The following PRKCA variants were observed in gnomAD, a reference collection of about 807,000 sequenced individuals.
The protein encoded by PRKCA is protein kinase C alpha type.
In PRKCA, 27 loss-of-function variants were observed where a neutral mutation model predicts 87.0. That is an observed-to-expected ratio of 0.31 (90% CI 0.23 to 0.43). The LOEUF is 0.43. PRKCA is among the 20% of genes least tolerant of loss of function. The pLI is 1.00. For missense variants in PRKCA, 518 were observed against 852.3 expected (o/e 0.61, Z 4.88); for synonymous variants, 329 against 311.1 (o/e 1.06, Z -0.61).
At chr17:66,438,910 A>G (rs908943002) in intron 2 of PRKCA, among the ~76,000 whole-genome samples, 4 of 152,166 alleles carry the variant, frequency 2.6e-5, no homozygotes, top group African/African-American at 7.2e-5. Flanking sequence ...TGTGGGGATT[A>G]TGGGAACTAC....
chr17:66,361,680 A>G (rs1344596370), intron 2 of PRKCA, among the ~76,000 whole-genome samples: 1 of 152,188 alleles, frequency 6.6e-6, no homozygotes, highest in Non-Finnish European at 1.5e-5. Context: ...GTTTTCCAAT[A>G]GTTTTCTTTT....
chr17:66,368,690 T>C (rs1271357552), intron 2 of PRKCA, among the ~76,000 whole-genome samples: 2 of 151,994 alleles, frequency 1.3e-5, no homozygotes, highest in East Asian at 3.9e-4. Context: ...CCATGCCTGG[T>C]CTCTTAGCCT....
In PRKCA at chr17:66,606,385, C is replaced by T. The variant is rs150299175; in HGVS notation, c.289-34970C>T. The stretch of plus-strand genomic sequence containing the variant: ...TCAGTCTGGTAACAGAGTGAGACTC[C>T]GTCTCAAAAAAAATAATAAAATGAA... On this transcript the variant is annotated intron_variant, in intron 3 of 16. Coordinates refer to ENST00000413366, the MANE Select transcript of PRKCA (RefSeq NM_002737.3). Among the ~76,000 whole-genome samples the T allele has an allele frequency of 5.8e-3, 889 of 152,014 alleles. 5 individuals carry two copies. The highest frequency in any genetic ancestry group is 7.6e-3 in the Admixed American group (116 of 15,258).
chr17:66,639,131 A>G (rs966061687), intron 3 of PRKCA: 6 of 152,288 alleles, frequency 3.9e-5, no homozygotes, highest in South Asian at 4.1e-4. Flanking sequence ...GTCTTGCTTA[A>G]TTCAGTGGAT....
chr17:66,741,626 A>G, intron 11 of PRKCA, 33 bp from the exon 12 acceptor site: 1 of 1,610,512 alleles, frequency 6.2e-7, no homozygotes. Context: ...TAAGGAAGCA[A>G]GTGAGAAACC....
At position 66,738,802 on chromosome 17, in the gene PRKCA, G is replaced by A. The variant is rs753793351; in HGVS notation, c.1269G>A (p.Gly423=). 2 of 1,613,404 alleles carry A rather than the reference G, an allele frequency of 1.2e-6. No individual in the cohort carries two copies. The highest frequency in any genetic ancestry group is 1.7e-6 in the Non-Finnish European group (2 of 1,179,818). The change falls in exon 11 of 17, where the codon GGG becomes GGA. Residue 423 remains glycine (G), a synonymous_variant. Coordinates refer to ENST00000413366, the MANE Select transcript of PRKCA (RefSeq NM_002737.3). ...TCGTCATGGAATATGTCAACGGTGG[G>A]GACCTCATGTACCACATTCAGCAAG... ...LYFVMEYVNG[G]DLMYHIQQVG...
chr17:66,309,662 A>G (rs2143129774), intron 2 of PRKCA, among the ~76,000 whole-genome samples: 1 of 152,318 alleles, frequency 6.6e-6, no homozygotes, highest in African/African-American at 2.4e-5. Context: ...GTTCCTTCAC[A>G]GCTCTGAAGT....
At chr17:66,686,801 G>T (rs1409600596) in intron 5 of PRKCA, among the ~76,000 whole-genome samples, 2 of 152,108 alleles carry the variant, frequency 1.3e-5, no homozygotes, top group African/African-American at 4.8e-5. Context: ...TTCTGCTTTG[G>T]CAGGTTTGGG....
At chr17:66,453,665 C>G (rs988574150) in intron 2 of PRKCA, among the ~76,000 whole-genome samples, 10 of 152,118 alleles carry the variant, frequency 6.6e-5, no homozygotes, top group African/African-American at 2.4e-4. Context: ...GCGCCGCCCT[C>G]GTCTGCTGTA....
At chr17:66,759,663 A>G (rs1296731799) in intron 13 of PRKCA, among the ~76,000 whole-genome samples, 1 of 152,258 alleles carries the variant, frequency 6.6e-6, no homozygotes, top group Non-Finnish European at 1.5e-5. Context: ...AGACTAGATC[A>G]AAAAACAAGA....
intron 14 of PRKCA, 69 bp from the exon 15 acceptor site, chr17:66,786,796 GCT>G (rs1228533026): frequency 7.9e-6 from 10 of 1,264,356 alleles, no homozygotes; most frequent in Non-Finnish European, 1.1e-5. Flanking sequence ...TGCTGAATTG[GCT>G]CTTCAGGCAC....
intron 3 of PRKCA, among the ~76,000 whole-genome samples, chr17:66,526,483 C>T (rs1223296139): frequency 2.6e-5 from 4 of 152,240 alleles, no homozygotes; most frequent in South Asian, 2.1e-4. Context: ...ATGGACTCTG[C>T]GCCGTACCTC....
intron 2 of PRKCA, among the ~76,000 whole-genome samples, chr17:66,325,314 G>T (rs966340693): frequency 6.6e-6 from 1 of 152,060 alleles, no homozygotes; most frequent in Non-Finnish European, 1.5e-5. Context: ...TCTAATTTTT[G>T]TTGGGCCCAA....
At chr17:66,551,113 A>G (rs902647723) in intron 3 of PRKCA, among the ~76,000 whole-genome samples, 2 of 152,146 alleles carry the variant, frequency 1.3e-5, no homozygotes, top group Non-Finnish European at 2.9e-5. Context: ...CCCAGGCTGG[A>G]GTGCAGTGGC....
chr17:66,770,773 G>A (rs944964558), intron 13 of PRKCA, among the ~76,000 whole-genome samples: 4 of 151,940 alleles, frequency 2.6e-5, no homozygotes, highest in Non-Finnish European at 5.9e-5. Flanking sequence ...AGTAGTGGAT[G>A]TGGAGGGTTG....
intron 8 of PRKCA, among the ~76,000 whole-genome samples, chr17:66,705,510 T>A (rs1476156068): frequency 2.0e-5 from 3 of 152,242 alleles, no homozygotes; most frequent in Non-Finnish European, 4.4e-5. Flanking sequence ...AGATTGTGCA[T>A]TCTAGTTGTC....
rs571525493 is a variant in PRKCA at position 66,587,943 on chromosome 17, CTCT to C, written c.289-53407_289-53405del. Among the ~76,000 whole-genome samples the C allele has an allele frequency of 2.5e-3, 343 of 135,516 alleles. 8 individuals carry two copies. The highest frequency in any genetic ancestry group is 9.2e-3 in the African/African-American group (337 of 36,456). The allele number at this position is 135,516 out of a possible 152,430, so 88.9% of individuals were successfully genotyped here. Reference sequence around the variant, plus strand: ...TATATATATATATATCCTGCAGTAGCTCTTCTTGTGAGATTCTCCTATGTGAGA... The same window carrying C: ...TATATATATATATATCCTGCAGTAGCTCTTGTGAGATTCTCCTATGTGAGA... On this transcript the variant is annotated intron_variant, in intron 3 of 16. Transcript: ENST00000413366.
intron 2 of PRKCA, among the ~76,000 whole-genome samples, chr17:66,356,064 A>T (rs1406063830): frequency 3.3e-5 from 5 of 151,910 alleles, no homozygotes; most frequent in African/African-American, 1.2e-4. Flanking sequence ...AAGTCCAGCT[A>T]ATTTTTGTAT....
At chr17:66,420,021 T>C (rs935053061) in intron 2 of PRKCA, among the ~76,000 whole-genome samples, 25 of 150,662 alleles carry the variant, frequency 1.7e-4, no homozygotes, top group African/African-American at 5.9e-4. Context: ...TTTTTTTTTT[T>C]TTTAAATATG....
Sources: gnomAD v4.1 joint callset for allele counts (sites outside exome capture counted in the v4.1 genomes callset) on GRCh38, gnomAD v4.1.1 for gene constraint, MANE v1.5 for transcripts, NCBI Gene and HGNC (gene_info 2026-07-23, HGNC 2026-07-21) for gene names.